DPP8: variants seen among roughly 807,000 people sequenced by gnomAD.
DPP8 encodes dipeptidyl peptidase 8, also known as DPP VIII.
Under a neutral mutation model 107.5 loss-of-function variants are expected in DPP8, and 31 were observed. The observed-to-expected ratio is 0.29, with a 90% CI of 0.22 to 0.39. The LOEUF (loss-of-function observed/expected upper bound fraction) is 0.39, where lower values mean the gene tolerates loss of function less well. DPP8 is among the 10% of genes least tolerant of loss of function. DPP8 has a pLI of 1.00. For synonymous variants in DPP8, 381 were observed against 356.6 expected, an observed-to-expected ratio of 1.07 and a Z score of -0.77; for missense variants, 842 against 1,076.1, an observed-to-expected ratio of 0.78 and a Z score of 3.04.
In DPP8 at chr15:65,456,209, T is replaced by C. The variant is rs1595867899; in HGVS notation, c.2118+16A>G. Reference sequence around the variant, plus strand: ...TGTAAATGTCTGTAAAAGAAAAGTGTTTTATGCTCACACACCATTTTATAT... The same window carrying C: ...TGTAAATGTCTGTAAAAGAAAAGTGCTTTATGCTCACACACCATTTTATAT... On this transcript the variant is annotated intron_variant, in intron 16 of 19. Coordinates refer to ENST00000300141, the MANE Select transcript of DPP8 (RefSeq NM_130434.5). The C allele has an allele frequency of 1.9e-6, 3 of 1,600,198 alleles. No individual in the cohort carries two copies. The highest frequency in any genetic ancestry group is 1.4e-5 in the African/African-American group (1 of 73,968).
intron 11 of DPP8, among the ~76,000 whole-genome samples, chr15:65,478,003 C>T (rs1230017064): frequency 6.6e-6 from 1 of 152,070 alleles, no homozygotes; most frequent in East Asian, 1.9e-4. Flanking sequence ...GTTCTATGTA[C>T]CCATTTACTT....
intron 16 of DPP8, chr15:65,455,718 T>C (rs1231161910): frequency 8.0e-7 from 1 of 1,248,654 alleles, no homozygotes; most frequent in Non-Finnish European, 1.0e-6. Context: ...TTACTCAGCA[T>C]GTCCAATAAC....
chr15:65,459,717 G>T lies in DPP8; in HGVS notation c.1972-3346C>A, dbSNP rs1178975240. On this transcript the variant is annotated intron_variant, in intron 15 of 19. Coordinates refer to ENST00000300141, the MANE Select transcript of DPP8 (RefSeq NM_130434.5). Reference sequence around the variant, plus strand: ...CGCCTGTAATCCCAGCACTTTGGGAGGCCGAGGTGGGTAGATCACCTGAGG... The same window carrying T: ...CGCCTGTAATCCCAGCACTTTGGGATGCCGAGGTGGGTAGATCACCTGAGG... Among the ~76,000 whole-genome samples the T allele has an allele frequency of 3.9e-5, 6 of 152,092 alleles. No homozygotes were observed. In the East Asian group the frequency reaches 7.8e-4, roughly 20 times the overall value.
At chr15:65,477,021 G>T (rs2066452097) in intron 11 of DPP8, among the ~76,000 whole-genome samples, 1 of 152,204 alleles carries the variant, frequency 6.6e-6, no homozygotes, top group Non-Finnish European at 1.5e-5. Flanking sequence ...GGCTGCCAGA[G>T]ATTGGGGGAA....
chr15:65,462,947 G>A (rs896759494), intron 15 of DPP8, among the ~76,000 whole-genome samples: 2 of 152,080 alleles, frequency 1.3e-5, no homozygotes, highest in African/African-American at 4.8e-5. Context: ...TCCAGAATAA[G>A]GAAAATCAAG....
chr15:65,462,673 T>C (rs1348674009), intron 15 of DPP8, among the ~76,000 whole-genome samples: 2 of 151,678 alleles, frequency 1.3e-5, no homozygotes, highest in African/African-American at 4.8e-5. Context: ...TCTGACTCCC[T>C]GGTTCAAGCG....
chr15:65,512,757 A>T lies in DPP8; in HGVS notation c.-11-193T>A, dbSNP rs368319384. 293 of 569,918 alleles carry T rather than the reference A, an allele frequency of 5.1e-4. 2 individuals are homozygous for T. Among genetic ancestry groups the T allele is most frequent in the African/African-American group, 4.7e-3 (247 of 52,684 alleles). The allele number at this position is 569,918 out of a possible 1,614,324, so 35.3% of individuals were successfully genotyped here. ...CTGTGTTCAGTTTAAAAATGAAATT[A>T]AAAAAAAATTGAGGTCAGGTCTACT... On this transcript the variant is annotated intron_variant, in intron 1 of 19. Transcript: ENST00000300141.
chr15:65,479,850 CAAAAAAAAAAAAAA>C (rs56303808), intron 10 of DPP8, among the ~76,000 whole-genome samples: 2 of 66,760 alleles, frequency 3.0e-5, no homozygotes, highest in African/African-American at 5.3e-5. Flanking sequence ...GACTCCGTCT[CAAAAAAAAAAAAAA>C]AAAAAAAAAA....
At chr15:65,491,977 C>G (rs2068079040) in intron 5 of DPP8, among the ~76,000 whole-genome samples, 1 of 152,014 alleles carries the variant, frequency 6.6e-6, no homozygotes, top group Non-Finnish European at 1.5e-5. Context: ...CGTGATCCAC[C>G]CACCTCGGCC....
In DPP8 at chr15:65,466,660, AG is replaced by A. The variant is rs957897317; in HGVS notation, c.1825+17del. 1.2e-6 allele frequency: 2 copies of A among 1,610,214 alleles called. No individual in the cohort carries two copies. The highest frequency in any genetic ancestry group is 1.7e-6 in the Non-Finnish European group (2 of 1,177,000). On this transcript the variant is annotated intron_variant, in intron 14 of 19. Transcript: ENST00000300141. ...ATTAATCCTACTTAACGTCAGGATC[AG>A]GGGGAAAAAAGAATACCTGCTGAAT...
chr15:65,514,008 T>C (rs377758855), intron 1 of DPP8, among the ~76,000 whole-genome samples: 1 of 152,212 alleles, frequency 6.6e-6, no homozygotes, highest in Admixed American at 6.5e-5. Flanking sequence ...TAATAATAAA[T>C]ACAAGGCTGT....
chr15:65,495,012 T>C (rs1476166713), intron 5 of DPP8, among the ~76,000 whole-genome samples: 2 of 152,180 alleles, frequency 1.3e-5, no homozygotes, highest in Non-Finnish European at 2.9e-5. Context: ...AACCTTTCCA[T>C]GGACCCTCAT....
intron 5 of DPP8, 115 bp from the exon 6 acceptor site, chr15:65,490,414 C>T: frequency 1.4e-6 from 1 of 701,252 alleles, no homozygotes; most frequent in South Asian, 1.6e-5. Context: ...AACTCTGGAG[C>T]TGAACGGACT....
chr15:65,455,145 T>C (rs1248680359), intron 16 of DPP8, among the ~76,000 whole-genome samples: 6 of 152,216 alleles, frequency 3.9e-5, no homozygotes, highest in Non-Finnish European at 8.8e-5. Flanking sequence ...TTTATCTATT[T>C]TTTTGGAGAC....
intron 15 of DPP8, among the ~76,000 whole-genome samples, chr15:65,456,798 G>GTC (rs1286569244): frequency 6.6e-6 from 1 of 152,098 alleles, no homozygotes; most frequent in Non-Finnish European, 1.5e-5. Flanking sequence ...TTCAGAATAA[G>GTC]TCTACATGGC....
At chr15:65,464,840 CTTA>C (rs922812523) in intron 14 of DPP8, among the ~76,000 whole-genome samples, 2 of 152,054 alleles carry the variant, frequency 1.3e-5, no homozygotes, top group Non-Finnish European at 2.9e-5. Context: ...CTCAATATAA[CTTA>C]TTGTTGATTA....
At chr15:65,455,954 G>T in intron 16 of DPP8, 1 of 882,828 alleles carries the variant, frequency 1.1e-6, no homozygotes, top group Non-Finnish European at 1.6e-6. Context: ...GATGCTGAAA[G>T]CTAAATGGTG....
intron 11 of DPP8, chr15:65,475,505 T>A: frequency 6.8e-7 from 1 of 1,473,332 alleles, no homozygotes; most frequent in Non-Finnish European, 9.4e-7. Context: ...GGCCATCACA[T>A]GACCTGCCAT....
chr15:65,484,581 C>CCT (rs201151922), intron 8 of DPP8, among the ~76,000 whole-genome samples: 2 of 150,608 alleles, frequency 1.3e-5, no homozygotes. Context: ...GACTCGGGAG[C>CCT]CTCTCTCTCT....
Sources: gnomAD v4.1 joint callset for allele counts (sites outside exome capture counted in the v4.1 genomes callset) on GRCh38, gnomAD v4.1.1 for gene constraint, MANE v1.5 for transcripts, NCBI Gene and HGNC (gene_info 2026-07-23, HGNC 2026-07-21) for gene names.